The following HPCAL1 variants were observed in gnomAD, a reference collection of about 807,000 sequenced individuals.
HPCAL1 encodes hippocalcin like 1, also known as hippocalcin-like protein 1.
Under a neutral mutation model 17.1 loss-of-function variants are expected in HPCAL1, and 8 were observed. That is an observed-to-expected ratio of 0.47 (90% CI 0.27 to 0.84). The LOEUF is 0.84. HPCAL1 is among the 40% of genes least tolerant of loss of function. The pLI is 0.13. For synonymous variants in HPCAL1, 112 were observed against 111.4 expected, an observed-to-expected ratio of 1.01 and a Z score of -0.03; for missense variants, 165 against 271.1, an observed-to-expected ratio of 0.61 and a Z score of 2.75.
rs183399148 is a variant in HPCAL1 at position 10,359,213 on chromosome 2, T to C, written c.-110-37622T>C. ...TCCTGCTGTTTTCTGAAATTCCTGGTGGCCACTCCCTTGGTGTCCATGGGT... is the reference window on the plus strand; with the variant it reads ...TCCTGCTGTTTTCTGAAATTCCTGGCGGCCACTCCCTTGGTGTCCATGGGT... On this transcript the variant is annotated intron_variant, in intron 1 of 4. Coordinates refer to ENST00000307845, the MANE Select transcript of HPCAL1 (RefSeq NM_002149.4). This position sits in a 1 kb window ranked among gnomAD's most constrained non-coding sequence, Gnocchi z 4.1. 8.5e-5 allele frequency among the ~76,000 whole-genome samples: 13 copies of C among 152,292 alleles called. No homozygotes were observed. The highest frequency in any genetic ancestry group is 2.6e-4 in the African/African-American group (11 of 41,570).
Position 10,422,964 on chromosome 2 carries a change from T to C in HPCAL1, c.379-19T>C. On this transcript the variant is annotated intron_variant, in intron 3 of 4. Transcript: ENST00000307845. ...AGCCCCCGGGCCTCTGAGCACAGTGTCATTGCCCCCATCCGCAGGCCATCT... is the reference window on the plus strand; with the variant it reads ...AGCCCCCGGGCCTCTGAGCACAGTGCCATTGCCCCCATCCGCAGGCCATCT... 1 of 1,581,714 alleles carries C rather than the reference T, an allele frequency of 6.3e-7. No homozygotes were observed. Among genetic ancestry groups the C allele is most frequent in the Non-Finnish European group, 8.7e-7 (1 of 1,151,774 alleles).
chr2:10,320,897 T>A (rs1663631280), intron 1 of HPCAL1, among the ~76,000 whole-genome samples: 2 of 152,212 alleles, frequency 1.3e-5, no homozygotes, highest in Admixed American at 1.3e-4. Flanking sequence ...GATTATATTG[T>A]ATAATATAGT....
At chr2:10,316,971 G>C (rs965954407) in intron 1 of HPCAL1, among the ~76,000 whole-genome samples, 2 of 152,144 alleles carry the variant, frequency 1.3e-5, no homozygotes, top group Non-Finnish European at 2.9e-5. Context: ...TTCAGAAATT[G>C]TTCTTTTCAA....
intron 2 of HPCAL1, among the ~76,000 whole-genome samples, chr2:10,404,069 T>G (rs1441677529): frequency 2.0e-5 from 3 of 152,242 alleles, no homozygotes; most frequent in African/African-American, 7.2e-5. Flanking sequence ...CTCTATCATT[T>G]GTCCATTCAT....
Position 10,422,999 on chromosome 2 carries a change from T to C in HPCAL1, c.395T>C (p.Val132Ala). ...CATCCGCAGGCCATCTACAAGATGG[T>C]GTCGTCTGTGATGAAGATGCCGGAG... ...LEIVQAIYKM[V>A]SSVMKMPEDE... Residue 132 changes from valine (V) to alanine (A), a missense_variant, in exon 4 of 5, where the codon GTG becomes GCG. Val to Ala is a moderately conservative substitution (Grantham distance 64). Transcript: ENST00000307845. 6.2e-7 allele frequency: 1 copy of C among 1,613,140 alleles called. No individual in the cohort carries two copies.
intron 2 of HPCAL1, among the ~76,000 whole-genome samples, chr2:10,399,283 C>G (rs915378429): frequency 1.0e-5 from 1 of 98,200 alleles, no homozygotes; most frequent in African/African-American, 3.9e-5. Context: ...ACCACCATCA[C>G]CACCACCACC....
At chr2:10,360,429 T>C (rs755742248) in intron 1 of HPCAL1, among the ~76,000 whole-genome samples, 8 of 151,988 alleles carry the variant, frequency 5.3e-5, no homozygotes, top group Non-Finnish European at 1.0e-4. Flanking sequence ...TTTTTTTTTT[T>C]GAGATGGAAT....
At chr2:10,326,086 G>C (rs745753372) in intron 1 of HPCAL1, among the ~76,000 whole-genome samples, 1 of 152,232 alleles carries the variant, frequency 6.6e-6, no homozygotes, top group Non-Finnish European at 1.5e-5. Context: ...AGGCCTGTCC[G>C]TCATCCTCTC....
intron 1 of HPCAL1, chr2:10,303,984 T>A (rs912311278): frequency 2.0e-5 from 3 of 151,898 alleles, no homozygotes; most frequent in African/African-American, 7.2e-5. Context: ...CTGTTTAAAA[T>A]CCTTTTTTTT....
chr2:10,321,778 A>G (rs948199408), intron 1 of HPCAL1, among the ~76,000 whole-genome samples: 3 of 152,216 alleles, frequency 2.0e-5, no homozygotes, highest in Non-Finnish European at 2.9e-5. Flanking sequence ...TGCACCGCCA[A>G]TGCTGCGTGT....
rs929980021 is a variant in HPCAL1 at position 10,367,723 on chromosome 2, C to G, written c.-110-29112C>G. Among the ~76,000 whole-genome samples the G allele has an allele frequency of 3.3e-4, 51 of 152,312 alleles. No individual in the cohort carries two copies. The highest frequency in any genetic ancestry group is 1.1e-3 in the African/African-American group (44 of 41,570). On this transcript the variant is annotated intron_variant, in intron 1 of 4. Coordinates refer to ENST00000307845, the MANE Select transcript of HPCAL1 (RefSeq NM_002149.4). The surrounding 1 kb of genome is among the most constrained non-coding windows in gnomAD (Gnocchi z 4.4). The stretch of plus-strand genomic sequence containing the variant: ...CACACTCCCATGGAAAGCCTTAGAA[C>G]TGATGTCAGTGTGAGCCCTGTGCTG...
intron 1 of HPCAL1, among the ~76,000 whole-genome samples, chr2:10,356,588 A>G (rs1455462335): frequency 6.6e-6 from 1 of 152,146 alleles, no homozygotes; most frequent in African/African-American, 2.4e-5. Flanking sequence ...GGTCCTACGT[A>G]TAAGGTGGCA....
rs1664275970 is a variant in HPCAL1, at chr2:10,330,284, G to A, written c.-111+27107G>A. The A allele has an allele frequency of 6.6e-6, 1 of 152,092 alleles. No individual in the cohort carries two copies. Among genetic ancestry groups the A allele is most frequent in the Non-Finnish European group, 1.5e-5 (1 of 68,032 alleles). 9.4% of individuals were successfully genotyped at this position (152,092 alleles called of 1,614,324 possible). On this transcript the variant is annotated intron_variant, in intron 1 of 4. Transcript: ENST00000307845. This position sits in a 1 kb window ranked among gnomAD's most constrained non-coding sequence, Gnocchi z 4.2. ...AAAGGAGAATTCCTGACTTTTTGGT[G>A]GATGTTTGCAATTCCCAGAATGCTT...
intron 2 of HPCAL1, among the ~76,000 whole-genome samples, chr2:10,405,910 C>T (rs1385190766): frequency 2.0e-5 from 3 of 152,200 alleles, no homozygotes; most frequent in African/African-American, 4.8e-5. Flanking sequence ...GCCAAGTCCC[C>T]GCAAATGGGA....
chr2:10,423,647 G>A (rs1671209812), intron 4 of HPCAL1: 1 of 155,094 alleles, frequency 6.4e-6, no homozygotes, highest in African/African-American at 2.4e-5. Flanking sequence ...GTGGTGACAG[G>A]GCTGTGCCTC....
In HPCAL1 at chr2:10,310,569, G is replaced by T. The variant is rs887383959; in HGVS notation, c.-111+7392G>T. Among the ~76,000 whole-genome samples, 8 of 152,120 alleles carry T rather than the reference G, an allele frequency of 5.3e-5. No individual in the cohort carries two copies. The highest frequency in any genetic ancestry group is 1.0e-4 in the Non-Finnish European group (7 of 68,030). On this transcript the variant is annotated intron_variant, in intron 1 of 4. Transcript: ENST00000307845. This position sits in a 1 kb window ranked among gnomAD's most constrained non-coding sequence, Gnocchi z 4.5. ...GGATTGTCCTAGCCTCATGCCTTCT[G>T]AGAAGCATCTGTCAGGGTCCCTGAT...
intron 2 of HPCAL1, among the ~76,000 whole-genome samples, chr2:10,400,226 C>A (rs1669513808): frequency 6.6e-6 from 1 of 152,192 alleles, no homozygotes; most frequent in Non-Finnish European, 1.5e-5. Flanking sequence ...CGGAGTGGGT[C>A]ACACCTGAGG....
intron 3 of HPCAL1, among the ~76,000 whole-genome samples, chr2:10,422,561 G>A (rs1275090892): frequency 6.6e-6 from 1 of 152,234 alleles, no homozygotes. Flanking sequence ...GGCTTGCCCT[G>A]TGAGTTTCAG....
intron 1 of HPCAL1, among the ~76,000 whole-genome samples, chr2:10,339,824 C>T (rs771960977): frequency 9.9e-5 from 15 of 152,186 alleles, no homozygotes; most frequent in Admixed American, 1.3e-4. Context: ...ACAGGGCTGG[C>T]GAAACGGAGG....
Sources: gnomAD v4.1 joint callset for allele counts (sites outside exome capture counted in the v4.1 genomes callset) on GRCh38, gnomAD v4.1.1 for gene constraint, Gnocchi (gnomAD v3.1) non-coding constraint, MANE v1.5 for transcripts, NCBI Gene and HGNC (gene_info 2026-07-23, HGNC 2026-07-21) for gene names.